ENKUR: variants seen among roughly 807,000 people sequenced by gnomAD.
ENKUR encodes the protein enkurin.
ENKUR carries 19 observed loss-of-function variants against 27.6 expected under a neutral mutation model. That is an observed-to-expected ratio of 0.69 (90% CI 0.48 to 1.01). The LOEUF (loss-of-function observed/expected upper bound fraction) is 1.01, where lower values mean the gene tolerates loss of function less well. ENKUR is among the 50% of genes least tolerant of loss of function. The pLI is 0.00. For synonymous variants in ENKUR, 117 were observed against 96.9 expected, an observed-to-expected ratio of 1.21 and a Z score of -1.22; for missense variants, 312 against 310.5, an observed-to-expected ratio of 1.00 and a Z score of -0.04.
chr10:25,010,777 T>G (rs1753941711), intron 1 of ENKUR, among the ~76,000 whole-genome samples: 2 of 143,954 alleles, frequency 1.4e-5, no homozygotes, highest in African/African-American at 4.9e-5. Context: ...CATGAACTCA[T>G]CATTTTTTAT....
At chr10:25,013,135 A>T (rs1425104093) in intron 1 of ENKUR, among the ~76,000 whole-genome samples, 1 of 152,204 alleles carries the variant, frequency 6.6e-6, no homozygotes, top group Non-Finnish European at 1.5e-5. Context: ...GCCTTCTGCC[A>T]TGATTGTAAG....
Position 25,051,052 on chromosome 10 carries a change from A to G in ENKUR, c.37+10060T>C, listed in dbSNP as rs572654474. Reference sequence around the variant, plus strand: ...CTTATAGGTACAGACTTTGAAAATTATGTATTTTATGTATCCTTGGAACTT... The same window carrying G: ...CTTATAGGTACAGACTTTGAAAATTGTGTATTTTATGTATCCTTGGAACTT... On this transcript the variant is annotated intron_variant, in intron 2 of 5. Coordinates refer to the ENKUR transcript ENST00000615958. Among the ~76,000 whole-genome samples the G allele has an allele frequency of 8.6e-4, 130 of 151,234 alleles. No individual in the cohort carries two copies. In the South Asian group the frequency reaches 0.023, roughly 27 times the overall value.
At chr10:25,007,265 C>T (rs1850332635) in intron 1 of ENKUR, among the ~76,000 whole-genome samples, 3 of 152,086 alleles carry the variant, frequency 2.0e-5, no homozygotes, top group Admixed American at 6.5e-5. Context: ...ATGAGTCTAA[C>T]GTTCACAAAA....
intron 2 of ENKUR, among the ~76,000 whole-genome samples, chr10:25,055,079 T>C (rs996298111): frequency 6.6e-6 from 1 of 152,096 alleles, no homozygotes; most frequent in Non-Finnish European, 1.5e-5. Flanking sequence ...AGAACTCACA[T>C]CTAAATCTTT....
chr10:25,053,391 C>T (rs759618186), intron 2 of ENKUR, among the ~76,000 whole-genome samples: 57 of 152,204 alleles, frequency 3.7e-4, no homozygotes, highest in African/African-American at 1.2e-3. Flanking sequence ...TCTCAAAAAA[C>T]GTATTCCTCC....
At chr10:24,984,447 T>C (rs1048322642) in intron 5 of ENKUR, 71 bp from the exon 6 acceptor site, 2 of 1,494,032 alleles carry the variant, frequency 1.3e-6, no homozygotes, top group African/African-American at 2.8e-5. Flanking sequence ...GAAATTAATG[T>C]TTATGTGAAA....
At chr10:25,060,067 C>A (rs1013552508) in intron 2 of ENKUR, among the ~76,000 whole-genome samples, 1 of 152,166 alleles carries the variant, frequency 6.6e-6, no homozygotes, top group Non-Finnish European at 1.5e-5. Flanking sequence ...ACCCTTTTAT[C>A]TGCCTGGGCT....
intron 2 of ENKUR, among the ~76,000 whole-genome samples, chr10:25,060,015 A>G (rs1851308417): frequency 6.6e-6 from 1 of 152,072 alleles, no homozygotes; most frequent in East Asian, 1.9e-4. Context: ...CCCTGTTCCT[A>G]ATCCCTGGCT....
chr10:25,016,924 T>A (rs114231629), upstream of ENKUR: 1 of 152,468 alleles, frequency 6.6e-6, no homozygotes, highest in African/African-American at 2.4e-5. Flanking sequence ...TCCTGCTGCT[T>A]CTGGTCGAGG....
At chr10:25,004,102 G>T (rs760448248) in intron 1 of ENKUR, among the ~76,000 whole-genome samples, 1 of 152,078 alleles carries the variant, frequency 6.6e-6, no homozygotes, top group African/African-American at 2.4e-5. Flanking sequence ...CAAAGAATAC[G>T]ATCTCATTCT....
chr10:24,992,605 G>A (rs1458811827), intron 3 of ENKUR, among the ~76,000 whole-genome samples: 2 of 152,190 alleles, frequency 1.3e-5, no homozygotes, highest in Non-Finnish European at 2.9e-5. Flanking sequence ...GACAAGCAAT[G>A]TTTAGATTTT....
chr10:25,025,402 A>G, intron 2 of ENKUR: 1 of 1,614,068 alleles, frequency 6.2e-7, no homozygotes, highest in Non-Finnish European at 8.5e-7. Context: ...TGCAGCTGAT[A>G]TGAATGTCTT....
intron 4 of ENKUR, among the ~76,000 whole-genome samples, chr10:24,987,551 T>C (rs1174206933): frequency 4.6e-5 from 7 of 152,196 alleles, no homozygotes; most frequent in Non-Finnish European, 1.5e-5. Context: ...ATTGTGCCAC[T>C]GCACTCCAGC....
chr10:25,011,308 T>C (rs371095036), intron 1 of ENKUR, among the ~76,000 whole-genome samples: 4,386 of 152,278 alleles, frequency 0.029, 141 homozygotes, highest in African/African-American at 0.078. Context: ...TTTTTTCTTG[T>C]ACATTTGTTT....
chr10:25,016,665 G>C (rs1445135311), upstream of ENKUR: 2 of 152,432 alleles, frequency 1.3e-5, no homozygotes, highest in African/African-American at 4.8e-5. Flanking sequence ...TCCACTGCGC[G>C]GGGGCGGGAC....
intron 2 of ENKUR, among the ~76,000 whole-genome samples, chr10:25,058,599 A>T (rs750256848): frequency 2.6e-5 from 4 of 152,164 alleles, no homozygotes; most frequent in Non-Finnish European, 5.9e-5. Flanking sequence ...TGACACAGAG[A>T]TAGCCAACAA....
rs569017281 is a variant in ENKUR, at chr10:25,023,240, G to A, written c.38-27371C>T. 37 of 1,611,780 alleles carry A rather than the reference G, an allele frequency of 2.3e-5. No homozygotes were observed. The highest frequency in any genetic ancestry group is 3.1e-5 in the Non-Finnish European group (37 of 1,178,572). Reference sequence around the variant, plus strand: ...GAAAAGAGAATGCTCCACTTTAACCGATGTCATCATCTGAAAAAGATAACA... The same window carrying A: ...GAAAAGAGAATGCTCCACTTTAACCAATGTCATCATCTGAAAAAGATAACA... On this transcript the variant is annotated intron_variant, in intron 2 of 5. Coordinates refer to the ENKUR transcript ENST00000615958.
chr10:25,030,059 C>T (rs1287501862), intron 2 of ENKUR, among the ~76,000 whole-genome samples: 2 of 152,064 alleles, frequency 1.3e-5, no homozygotes, highest in African/African-American at 4.8e-5. Context: ...TTATCTTTTT[C>T]TTGAAGATTT....
upstream of ENKUR, among the ~76,000 whole-genome samples, chr10:25,016,428 G>T (rs915713239): frequency 2.0e-5 from 3 of 152,238 alleles, no homozygotes; most frequent in African/African-American, 7.2e-5. Flanking sequence ...CACCCAATAA[G>T]GTTTTTGTGA....
Sources: gnomAD v4.1 joint callset for allele counts (sites outside exome capture counted in the v4.1 genomes callset) on GRCh38, gnomAD v4.1.1 for gene constraint, MANE v1.5 for transcripts, NCBI Gene and HGNC (gene_info 2026-07-23, HGNC 2026-07-21) for gene names.